The following HERC2 variants were observed in gnomAD, a reference collection of about 807,000 sequenced individuals.
The protein encoded by HERC2 is HECT and RLD domain containing E3 ubiquitin protein ligase 2.
In HERC2, 102 loss-of-function variants were observed where a neutral mutation model predicts 537.7. The observed-to-expected ratio is 0.19, with a 90% CI of 0.16 to 0.22. The LOEUF (loss-of-function observed/expected upper bound fraction) is 0.22, where lower values mean the gene tolerates loss of function less well. Among genes scored for constraint, HERC2 ranks in the 10% least tolerant of loss-of-function variants. The pLI, the probability that HERC2 is intolerant of heterozygous loss-of-function variation, is 1.00. For synonymous variants in HERC2, 2,224 were observed against 2,466.2 expected (o/e 0.90, Z 2.91); for missense variants, 4,236 against 6,198.2 (o/e 0.68, Z 10.63).
At chr15:28,150,446 C>T (rs1358686147) in intron 70 of HERC2, among the ~76,000 whole-genome samples, 1 of 151,486 alleles carries the variant, frequency 6.6e-6, no homozygotes, top group East Asian at 1.9e-4. Flanking sequence ...CGACAACGGC[C>T]ACACGAACGT....
chr15:28,218,744 C>T lies in HERC2; in HGVS notation c.5846-73G>A, dbSNP rs568475976. 6.4e-6 allele frequency: 8 copies of T among 1,255,232 alleles called. No homozygotes were observed. In the Admixed American group the frequency reaches 1.4e-4, roughly 21 times the overall value. The allele number at this position is 1,255,232 out of a possible 1,614,324, so 77.8% of individuals were successfully genotyped here. ...GAAGATAGTCCTGCATATAATTCAA[C>T]AGCTTTAATATTACATTCTTGTTTT... On this transcript the variant is annotated intron_variant, in intron 37 of 92. Transcript: ENST00000261609.
At chr15:28,280,016 C>A in intron 5 of HERC2, 52 bp downstream of exon 5, 1 of 1,415,482 alleles carries the variant, frequency 7.1e-7, no homozygotes. Flanking sequence ...ACAAAACAGT[C>A]TGAATTTTAT....
intron 36 of HERC2, among the ~76,000 whole-genome samples, chr15:28,221,791 G>A (rs1235184510): frequency 6.6e-6 from 1 of 151,160 alleles, no homozygotes; most frequent in Non-Finnish European, 1.5e-5. Context: ...TGAGCCTCAT[G>A]CCAGTGAGTT....
intron 40 of HERC2, 77 bp from the exon 41 acceptor site, chr15:28,214,349 C>T (rs748007533): frequency 1.4e-5 from 18 of 1,276,670 alleles, no homozygotes; most frequent in Non-Finnish European, 2.0e-5. Context: ...CTACCCACCT[C>T]TAAGTGACGG....
At chr15:28,229,431 A>C in intron 33 of HERC2, 29 bp downstream of exon 33, 1 of 1,613,660 alleles carries the variant, frequency 6.2e-7, no homozygotes, top group East Asian at 2.2e-5. Context: ...AGCTACCTTA[A>C]TTAAGAAAAA....
intron 83 of HERC2, among the ~76,000 whole-genome samples, chr15:28,126,837 A>G (rs570874855): frequency 6.6e-6 from 1 of 152,254 alleles, no homozygotes; most frequent in East Asian, 1.9e-4. Flanking sequence ...ACCAAACACC[A>G]CCTGTTCGCC....
intron 3 of HERC2, among the ~76,000 whole-genome samples, chr15:28,295,315 G>C (rs1295822288): frequency 2.2e-5 from 3 of 137,192 alleles, no homozygotes; most frequent in Admixed American, 7.2e-5. Context: ...GTGTGGGGGG[G>C]GGGGAGTGGG....
At chr15:28,119,363 GTACTC>G (rs1888629146) in intron 86 of HERC2, among the ~76,000 whole-genome samples, 1 of 144,878 alleles carries the variant, frequency 6.9e-6, no homozygotes, top group African/African-American at 2.8e-5. Context: ...TTGCACCACT[GTACTC>G]CAGGCTGGGC....
chr15:28,298,133 C>CAAA lies in HERC2; in HGVS notation c.187+1268_187+1269insTTT, dbSNP rs2076520372. On this transcript the variant is annotated intron_variant, in intron 3 of 92. Transcript: ENST00000261609. The stretch of plus-strand genomic sequence containing the variant: ...CTGAAAAGGGAGACTAATACTTTTT[C>CAAA]CCATGGTTTGTTTTGTGTTTTTTGT... 5.3e-5 allele frequency among the ~76,000 whole-genome samples: 8 copies of CAAA among 151,096 alleles called. No homozygotes were observed. In the South Asian group the frequency reaches 1.7e-3, roughly 32 times the overall value.
At chr15:28,192,395 A>G (rs1403867207) in intron 52 of HERC2, among the ~76,000 whole-genome samples, 2 of 152,238 alleles carry the variant, frequency 1.3e-5, no homozygotes, top group African/African-American at 4.8e-5. Context: ...CAGCAGATTA[A>G]TATATTTCCA....
intron 4 of HERC2, among the ~76,000 whole-genome samples, chr15:28,289,992 T>C (rs1355555947): frequency 6.6e-6 from 1 of 152,032 alleles, no homozygotes; most frequent in African/African-American, 2.4e-5. Flanking sequence ...CAGTGAGAGG[T>C]CTCATCTCTC....
intron 2 of HERC2, among the ~76,000 whole-genome samples, chr15:28,300,833 A>G (rs2076601780): frequency 8.9e-6 from 1 of 111,776 alleles, no homozygotes; most frequent in African/African-American, 5.0e-5. Flanking sequence ...CAAAAAAAAA[A>G]AAAAAAAAAA....
At position 28,284,495 on chromosome 15, in the gene HERC2, A is replaced by G. The variant is rs144400285; in HGVS notation, c.323-4208T>C. Among the ~76,000 whole-genome samples, 3 of 152,288 alleles carry G rather than the reference A, an allele frequency of 2.0e-5. No individual in the cohort carries two copies. The East Asian group carries it at 5.8e-4, about 29-fold the overall frequency. On this transcript the variant is annotated intron_variant, in intron 4 of 92. Transcript: ENST00000261609. ...AACATGATCCAACTATATGTTGTCC[A>G]TAAGAAAGTGACTTCAAACAGGCAA...
chr15:28,265,422 C>A lies in HERC2; in HGVS notation c.1870+196G>T, dbSNP rs187406945. Among the ~76,000 whole-genome samples the A allele has an allele frequency of 6.6e-6, 1 of 152,302 alleles. No individual in the cohort carries two copies. Among genetic ancestry groups the A allele is most frequent in the Admixed American group, 6.5e-5 (1 of 15,306 alleles). ...GCCCACACAGGAACGGCGGCAGCTGCTAACCAGCTGAGAGGCCTCAGGCAA... is the reference window on the plus strand; with the variant it reads ...GCCCACACAGGAACGGCGGCAGCTGATAACCAGCTGAGAGGCCTCAGGCAA... On this transcript the variant is annotated intron_variant, in intron 14 of 92. Coordinates refer to ENST00000261609, the MANE Select transcript of HERC2 (RefSeq NM_004667.6). This position sits in a 1 kb window ranked among gnomAD's most constrained non-coding sequence, Gnocchi z 4.0.
At chr15:28,123,632 C>T (rs1383241543) in intron 85 of HERC2, among the ~76,000 whole-genome samples, 1 of 152,218 alleles carries the variant, frequency 6.6e-6, no homozygotes, top group Non-Finnish European at 1.5e-5. Flanking sequence ...GCCCCCTCTG[C>T]TGGACATCCT....
In HERC2 at chr15:28,201,474, A is replaced by G. The variant is rs761139002; in HGVS notation, c.7698T>C (p.Tyr2566=). 1.5e-5 allele frequency: 24 copies of G among 1,605,214 alleles called. No homozygotes were observed. In the African/African-American group the frequency reaches 2.1e-4, roughly 14 times the overall value. The part of the protein sequence containing the change: ...DFLSNDDYAV[Y]VRENIQVGMM... ...TACTCACCTGAATATTCTCTCTCAC[A>G]TATACAGCATAATCATCATTACTCA... The change falls in exon 48 of 93, where the codon TAT becomes TAC. Residue 2566 remains tyrosine (Y), a synonymous_variant. Coordinates refer to ENST00000261609, the MANE Select transcript of HERC2 (RefSeq NM_004667.6).
At chr15:28,143,736 G>A (rs1370757475) in intron 74 of HERC2, 137 bp downstream of exon 74, 24 of 1,092,524 alleles carry the variant, frequency 2.2e-5, no homozygotes, top group Middle Eastern at 3.1e-4. Context: ...ATGAGCCACC[G>A]CGCCCGGTCC....
chr15:28,141,308 C>T, intron 78 of HERC2, 124 bp downstream of exon 78: 2 of 707,938 alleles, frequency 2.8e-6, no homozygotes, highest in Non-Finnish European at 2.5e-6. Context: ...CTGCATACCA[C>T]AGTATCATTA....
Position 28,111,892 on chromosome 15 carries a change from G to A in HERC2, c.14376C>T (p.Asp4792=), listed in dbSNP as rs1887686499. 2 of 1,614,106 alleles carry A rather than the reference G, an allele frequency of 1.2e-6. No individual in the cohort carries two copies. Among genetic ancestry groups the A allele is most frequent in the African/African-American group, 1.3e-5 (1 of 74,932 alleles). Residue 4792 remains aspartate (D), a synonymous_variant, in exon 93 of 93, where the codon GAC becomes GAT. Coordinates refer to ENST00000261609, the MANE Select transcript of HERC2 (RefSeq NM_004667.6). ...KYAIHFCKSI[D]TDDYARIALT... ...GTGCGATGCGAGCGTAGTCATCTGT[G>A]TCTATGGACTTGCAGAAGTGGATGG...
Sources: gnomAD v4.1 joint callset for allele counts (sites outside exome capture counted in the v4.1 genomes callset) on GRCh38, gnomAD v4.1.1 for gene constraint, Gnocchi (gnomAD v3.1) non-coding constraint, MANE v1.5 for transcripts, NCBI Gene and HGNC (gene_info 2026-07-23, HGNC 2026-07-21) for gene names.